The following LRP1B variants were observed in gnomAD, a reference collection of about 807,000 sequenced individuals.
LRP1B encodes the protein low-density lipoprotein receptor-related protein 1B.
Under a neutral mutation model 556.6 loss-of-function variants are expected in LRP1B, and 217 were observed. That is an observed-to-expected ratio of 0.39 (90% CI 0.35 to 0.44). The LOEUF (loss-of-function observed/expected upper bound fraction) is 0.44, where lower values mean the gene tolerates loss of function less well. Ranked by LOEUF, LRP1B falls within the 20% of genes least tolerant of loss-of-function variation. The probability of loss-of-function intolerance (pLI) is 1.00; values close to 1 mark genes in which losing one functional copy is unlikely to be tolerated. For synonymous variants in LRP1B, 2,047 were observed against 1,865.8 expected (o/e 1.10, Z -2.50); for missense variants, 5,053 against 5,620.8 (o/e 0.90, Z 3.23).
At chr2:141,112,286 G>T (rs1339582139) in intron 7 of LRP1B, among the ~76,000 whole-genome samples, 2 of 152,088 alleles carry the variant, frequency 1.3e-5, no homozygotes, top group East Asian at 3.9e-4. Flanking sequence ...TTTCCCTGCT[G>T]AGGTCAAGCA....
chr2:141,047,586 C>T (rs891499514), intron 11 of LRP1B, among the ~76,000 whole-genome samples: 1 of 152,104 alleles, frequency 6.6e-6, no homozygotes, highest in Non-Finnish European at 1.5e-5. Flanking sequence ...TAAAATATCA[C>T]TTTGTTCACA....
At chr2:142,040,133 T>A (rs1704014193) in intron 1 of LRP1B, among the ~76,000 whole-genome samples, 1 of 151,498 alleles carries the variant, frequency 6.6e-6, no homozygotes, top group African/African-American at 2.4e-5. Context: ...GATTAGAATA[T>A]ATTTTTAACT....
intron 1 of LRP1B, among the ~76,000 whole-genome samples, chr2:142,050,655 C>T (rs1704422453): frequency 6.6e-6 from 1 of 151,938 alleles, no homozygotes; most frequent in African/African-American, 2.4e-5. Context: ...TACTTGATAC[C>T]AATTTTTATC....
intron 87 of LRP1B, among the ~76,000 whole-genome samples, chr2:140,239,940 T>C (rs554446084): frequency 5.3e-5 from 8 of 151,096 alleles, no homozygotes; most frequent in African/African-American, 1.9e-4. Context: ...TTTGTTCCTT[T>C]AGTCATCCAT....
intron 7 of LRP1B, among the ~76,000 whole-genome samples, chr2:141,064,348 G>A (rs1050360572): frequency 6.6e-6 from 1 of 151,910 alleles, no homozygotes; most frequent in Non-Finnish European, 1.5e-5. Context: ...TATAAACCAG[G>A]TGATGATGAA....
intron 32 of LRP1B, among the ~76,000 whole-genome samples, chr2:140,779,740 G>A: frequency 7.8e-6 from 1 of 128,718 alleles, no homozygotes; most frequent in Non-Finnish European, 1.7e-5. Flanking sequence ...TGGTGTGTCT[G>A]TCTCTCTGTG....
intron 2 of LRP1B, among the ~76,000 whole-genome samples, chr2:141,683,772 T>C (rs995009612): frequency 4.6e-5 from 7 of 152,156 alleles, no homozygotes; most frequent in Admixed American, 4.6e-4. Context: ...GGCAGGAGGA[T>C]GTGCTTTAGA....
At chr2:140,947,224 A>T (rs944799838) in intron 20 of LRP1B, among the ~76,000 whole-genome samples, 2 of 152,216 alleles carry the variant, frequency 1.3e-5, no homozygotes, top group African/African-American at 4.8e-5. Flanking sequence ...GAGAATACAT[A>T]TTGAACTTAA....
chr2:140,702,693 G>A (rs1686693505), intron 37 of LRP1B, 140 bp from the exon 38 acceptor site: 3 of 705,790 alleles, frequency 4.3e-6, no homozygotes, highest in East Asian at 5.7e-5. Flanking sequence ...AATATACAGT[G>A]TGCTTATGGT....
At chr2:140,289,705 T>C (rs1683297929) in intron 84 of LRP1B, among the ~76,000 whole-genome samples, 1 of 151,908 alleles carries the variant, frequency 6.6e-6, no homozygotes, top group Non-Finnish European at 1.5e-5. Flanking sequence ...TTTACAACCC[T>C]GACAATTTTT....
chr2:140,538,569 C>A (rs62171871), intron 45 of LRP1B, among the ~76,000 whole-genome samples: 3 of 151,468 alleles, frequency 2.0e-5, no homozygotes, highest in Admixed American at 6.6e-5. Flanking sequence ...AGATATATTT[C>A]TTTTCTCTTG....
At chr2:141,219,403 A>T (rs79937119) in intron 6 of LRP1B, among the ~76,000 whole-genome samples, 6,688 of 152,280 alleles carry the variant, frequency 0.044, 163 homozygotes, top group South Asian at 0.11. Context: ...TCCCTGCAGG[A>T]ATTGCTGCAA....
chr2:141,927,829 C>A (rs767934503), intron 1 of LRP1B, among the ~76,000 whole-genome samples: 3 of 148,536 alleles, frequency 2.0e-5, no homozygotes, highest in African/African-American at 5.0e-5. Flanking sequence ...CATCTTCCCC[C>A]CAAGCTACAG....
intron 3 of LRP1B, among the ~76,000 whole-genome samples, chr2:141,440,022 T>G (rs527519609): frequency 5.9e-5 from 9 of 152,286 alleles, no homozygotes; most frequent in Non-Finnish European, 1.3e-4. Context: ...CACGCACTAT[T>G]TTGGTCGACA....
At chr2:140,952,014 A>C in intron 18 of LRP1B, 74 bp from the exon 19 acceptor site, 3 of 1,053,156 alleles carry the variant, frequency 2.8e-6, no homozygotes, top group Non-Finnish European at 2.9e-6. Context: ...ATCATCTGAT[A>C]ATGTGATCAG....
chr2:141,336,559 T>C (rs948157008), intron 3 of LRP1B, among the ~76,000 whole-genome samples: 1 of 152,198 alleles, frequency 6.6e-6, no homozygotes, highest in African/African-American at 2.4e-5. Flanking sequence ...TTTTTTCTCA[T>C]TTTTGTTTTT....
chr2:140,774,572 CCT>C (rs997134211), intron 33 of LRP1B, among the ~76,000 whole-genome samples: 30 of 151,674 alleles, frequency 2.0e-4, no homozygotes, highest in African/African-American at 6.8e-4. Flanking sequence ...GCACACCTTC[CCT>C]CTCTCTGTCA....
chr2:141,631,793 T>C (rs889407932), intron 2 of LRP1B, among the ~76,000 whole-genome samples: 2 of 152,200 alleles, frequency 1.3e-5, no homozygotes, highest in African/African-American at 4.8e-5. Context: ...GCCTGATTCA[T>C]AGATCACCAG....
chr2:141,961,102 A>G (rs1406538394), intron 1 of LRP1B, among the ~76,000 whole-genome samples: 1 of 151,796 alleles, frequency 6.6e-6, no homozygotes, highest in Admixed American at 6.6e-5. Flanking sequence ...ATTTGAAGTA[A>G]TTATTTATAA....
Sources: allele counts gnomAD v4.1 joint callset (sites outside exome capture counted in the v4.1 genomes callset), GRCh38; gene constraint gnomAD v4.1.1; transcripts MANE v1.5; gene names NCBI Gene and HGNC (gene_info 2026-07-23, HGNC 2026-07-21).